RFTN1: variants seen among roughly 807,000 people sequenced by gnomAD.
RFTN1 encodes raftlin.
In RFTN1, 26 loss-of-function variants were observed where a neutral mutation model predicts 46.5. The ratio of observed to expected loss-of-function variants is 0.56; its 90% CI spans 0.41 to 0.78. RFTN1 has a LOEUF of 0.78. Ranked by LOEUF, RFTN1 falls within the 30% of genes least tolerant of loss-of-function variation. The pLI, the probability that RFTN1 is intolerant of heterozygous loss-of-function variation, is 0.00. For missense variants in RFTN1, 693 were observed against 718.7 expected, an observed-to-expected ratio of 0.96 and a Z score of 0.41; for synonymous variants, 261 against 284.2, an observed-to-expected ratio of 0.92 and a Z score of 0.82.
At position 16,513,215 on chromosome 3, in the gene RFTN1, A is replaced by G. The variant is rs567914267; in HGVS notation, c.-9+227T>C. The G allele has an allele frequency of 2.0e-5, 3 of 152,734 alleles. No homozygotes were observed. The South Asian group carries it at 6.2e-4, about 32-fold the overall frequency. The allele number at this position is 152,734 out of a possible 1,614,324, so 9.5% of individuals were successfully genotyped here. On this transcript the variant is annotated intron_variant, in intron 1 of 9. Coordinates refer to ENST00000334133, the MANE Select transcript of RFTN1 (RefSeq NM_015150.2). This position sits in a 1 kb window ranked among gnomAD's most constrained non-coding sequence, Gnocchi z 5.4. ...TCCCCTACACCCGTTCCCCGCAAAA[A>G]AAAGTTGGCCCAAGATCCAGGCGTC... is the stretch of plus-strand genomic sequence containing the variant.
rs2076397232 is a variant in RFTN1, at chr3:16,483,291, C to A, written c.145+10434G>T. Reference sequence around the variant, plus strand: ...TCCTGTAATGCAAATAAGTACTCATCCCCTCCAATTCTCTTCCTTCCTTTC... The same window carrying A: ...TCCTGTAATGCAAATAAGTACTCATACCCTCCAATTCTCTTCCTTCCTTTC... On this transcript the variant is annotated intron_variant, in intron 2 of 9. Transcript: ENST00000334133. The surrounding 1 kb of genome is among the most constrained non-coding windows in gnomAD (Gnocchi z 4.8). 6.6e-6 allele frequency among the ~76,000 whole-genome samples: 1 copy of A among 152,208 alleles called. No homozygotes were observed. The highest frequency in any genetic ancestry group is 2.1e-4 in the South Asian group (1 of 4,818).
At position 16,346,100 on chromosome 3, in the gene RFTN1, G is replaced by A. The variant is rs1156442869; in HGVS notation, c.1146+11832C>T. ...GATTGAAAAGGTTCCTATGATTTAG[G>A]GTCTTCCAGCACCCCTCAGGAAGCT... On this transcript the variant is annotated intron_variant, in intron 7 of 9. Coordinates refer to ENST00000334133, the MANE Select transcript of RFTN1 (RefSeq NM_015150.2). The surrounding 1 kb of genome is among the most constrained non-coding windows in gnomAD (Gnocchi z 4.4). The A allele has an allele frequency of 2.0e-5, 3 of 151,982 alleles. No homozygotes were observed. Among genetic ancestry groups the A allele is most frequent in the Admixed American group, 6.6e-5 (1 of 15,248 alleles). 9.4% of individuals were successfully genotyped at this position (151,982 alleles called of 1,614,324 possible).
At chr3:16,495,318 A>G (rs1304951522) in intron 1 of RFTN1, among the ~76,000 whole-genome samples, 1 of 152,254 alleles carries the variant, frequency 6.6e-6, no homozygotes, top group Non-Finnish European at 1.5e-5. Flanking sequence ...AAAGAAATGG[A>G]CAAGGAAGCT....
chr3:16,422,837 G>T lies in RFTN1; in HGVS notation c.332+11014C>A, dbSNP rs2075213488. ...GCAAAGTTAGGTTAACTTAATAAGTGCTCTTGGCAAAGGTGGCTACCTAGA... is the reference window on the plus strand; with the variant it reads ...GCAAAGTTAGGTTAACTTAATAAGTTCTCTTGGCAAAGGTGGCTACCTAGA... On this transcript the variant is annotated intron_variant, in intron 3 of 9. Transcript: ENST00000334133. The surrounding 1 kb of genome is among the most constrained non-coding windows in gnomAD (Gnocchi z 4.6). Among the ~76,000 whole-genome samples, 1 of 152,104 alleles carries T rather than the reference G, an allele frequency of 6.6e-6. No individual in the cohort carries two copies. Among genetic ancestry groups the T allele is most frequent in the South Asian group, 2.1e-4 (1 of 4,826 alleles).
chr3:16,324,613 A>ACCCC (rs111849488), intron 8 of RFTN1, among the ~76,000 whole-genome samples: 3,525 of 90,520 alleles, frequency 0.039, 425 homozygotes, highest in East Asian at 0.057. Flanking sequence ...AATGTCCCTG[A>ACCCC]CCCCCCCCCT....
rs2074884879 is a variant in RFTN1, at chr3:16,407,378, G to C, written c.441+1997C>G. Among the ~76,000 whole-genome samples the C allele has an allele frequency of 6.6e-6, 1 of 151,288 alleles. No homozygotes were observed. Among genetic ancestry groups the C allele is most frequent in the Non-Finnish European group, 1.5e-5 (1 of 67,884 alleles). On this transcript the variant is annotated intron_variant, in intron 4 of 9. Coordinates refer to ENST00000334133, the MANE Select transcript of RFTN1 (RefSeq NM_015150.2). The surrounding 1 kb of genome is among the most constrained non-coding windows in gnomAD (Gnocchi z 4.0). ...AAGAGACTTTTTTTTTTTTGGCAGA[G>C]ATGGAGGTCTCACTATGTTGCCCAG...
At chr3:16,434,385 C>CAA (rs1449024881) in intron 2 of RFTN1, among the ~76,000 whole-genome samples, 1 of 129,444 alleles carries the variant, frequency 7.7e-6, no homozygotes, top group African/African-American at 2.8e-5. Context: ...AACAAACAAA[C>CAA]AAACAAACAA....
rs2071562089 is a variant in RFTN1, at chr3:16,345,250, T to A, written c.1146+12682A>T. On this transcript the variant is annotated intron_variant, in intron 7 of 9. Transcript: ENST00000334133. The surrounding 1 kb of genome is among the most constrained non-coding windows in gnomAD (Gnocchi z 5.2). ...TTTCTGGCCCACAGAAACTGTAAGA[T>A]AATAAGTAGGTGGTTGTGTGTGTGT... 7.4e-6 allele frequency: 1 copy of A among 134,514 alleles called. No individual in the cohort carries two copies. Among genetic ancestry groups the A allele is most frequent in the Non-Finnish European group, 1.5e-5 (1 of 66,446 alleles). 8.3% of individuals were successfully genotyped at this position (134,514 alleles called of 1,614,324 possible).
intron 3 of RFTN1, among the ~76,000 whole-genome samples, chr3:16,430,251 C>T (rs1430300780): frequency 6.6e-6 from 1 of 152,122 alleles, no homozygotes; most frequent in Non-Finnish European, 1.5e-5. Flanking sequence ...GCTGGGACTA[C>T]AGGCGTGCGC....
chr3:16,408,580 A>C (rs151058090), intron 4 of RFTN1, among the ~76,000 whole-genome samples: 27 of 147,012 alleles, frequency 1.8e-4, no homozygotes, highest in African/African-American at 6.8e-4. Context: ...TTAAAACTCA[A>C]GTAGACCCTA....
chr3:16,359,822 T>A (rs2072712110), intron 6 of RFTN1, among the ~76,000 whole-genome samples: 1 of 152,194 alleles, frequency 6.6e-6, no homozygotes, highest in Non-Finnish European at 1.5e-5. Context: ...TGACCTTTTT[T>A]TTTTCATGGG....
chr3:16,449,675 A>G lies in RFTN1; in HGVS notation c.146-15638T>C, dbSNP rs2075792231. On this transcript the variant is annotated intron_variant, in intron 2 of 9. Transcript: ENST00000334133. This position sits in a 1 kb window ranked among gnomAD's most constrained non-coding sequence, Gnocchi z 5.1. ...CTCCAGCTCTGCATCAATATTCTTC[A>G]GCTTTCACAACTGACTTTGATTTCT... 6.6e-6 allele frequency among the ~76,000 whole-genome samples: 1 copy of G among 152,212 alleles called. No individual in the cohort carries two copies. Among genetic ancestry groups the G allele is most frequent in the African/African-American group, 2.4e-5 (1 of 41,466 alleles).
In RFTN1 at chr3:16,481,875, C is replaced by T. The variant is rs1375594266; in HGVS notation, c.145+11850G>A. Among the ~76,000 whole-genome samples, 2 of 152,168 alleles carry T rather than the reference C, an allele frequency of 1.3e-5. No homozygotes were observed. The highest frequency in any genetic ancestry group is 2.9e-5 in the Non-Finnish European group (2 of 68,032). On this transcript the variant is annotated intron_variant, in intron 2 of 9. Transcript: ENST00000334133. The surrounding 1 kb of genome is among the most constrained non-coding windows in gnomAD (Gnocchi z 5.1). ...TTTCAGCAAAGGAGGAGTCTATATT[C>T]AGCACAGGAAAAGTCCCGATATTGG...
chr3:16,397,739 A>G (rs1432451526), intron 4 of RFTN1, among the ~76,000 whole-genome samples: 1 of 152,114 alleles, frequency 6.6e-6, no homozygotes, highest in South Asian at 2.1e-4. Flanking sequence ...TTTCCGAAGT[A>G]TGTGCTATGG....
rs2074585254 is a variant in RFTN1, at chr3:16,400,940, C to G, written c.441+8435G>C. 6.6e-6 allele frequency among the ~76,000 whole-genome samples: 1 copy of G among 152,120 alleles called. No individual in the cohort carries two copies. The highest frequency in any genetic ancestry group is 2.4e-5 in the African/African-American group (1 of 41,422). On this transcript the variant is annotated intron_variant, in intron 4 of 9. Transcript: ENST00000334133. This position sits in a 1 kb window ranked among gnomAD's most constrained non-coding sequence, Gnocchi z 4.5. ...GGAGGGGATGCCCATTACCTTGTGC[C>G]CCTCCCACCTCGCCCTGCCTGGAAC...
Position 16,433,761 on chromosome 3 carries a change from A to AC in RFTN1, c.332+89dup, listed in dbSNP as rs946165098. On this transcript the variant is annotated intron_variant, in intron 3 of 9. Coordinates refer to ENST00000334133, the MANE Select transcript of RFTN1 (RefSeq NM_015150.2). This position sits in a 1 kb window ranked among gnomAD's most constrained non-coding sequence, Gnocchi z 4.4. Reference sequence around the variant, plus strand: ...CCCTGAGGACAGCATGCAAATTTCAACCCCCAACCCCATCCTCTCACTTCC... The same window carrying AC: ...CCCTGAGGACAGCATGCAAATTTCAACCCCCCAACCCCATCCTCTCACTTCC... 7.2e-7 allele frequency: 1 copy of AC among 1,391,880 alleles called. No individual in the cohort carries two copies. The highest frequency in any genetic ancestry group is 1.4e-5 in the African/African-American group (1 of 70,220). The allele number at this position is 1,391,880 out of a possible 1,614,324, so 86.2% of individuals were successfully genotyped here. A position where few individuals can be genotyped will look rare whatever the true frequency, so the allele number is the denominator to read the frequency against.
At chr3:16,494,609 G>C (rs1418980772) in intron 1 of RFTN1, among the ~76,000 whole-genome samples, 1 of 152,182 alleles carries the variant, frequency 6.6e-6, no homozygotes, top group Non-Finnish European at 1.5e-5. Flanking sequence ...TGTAGTTCCA[G>C]TTTGAAAAGA....
chr3:16,454,324 A>T (rs575752696), intron 2 of RFTN1, among the ~76,000 whole-genome samples: 1 of 152,376 alleles, frequency 6.6e-6, no homozygotes, highest in Non-Finnish European at 1.5e-5. Context: ...ACTTCTCAGC[A>T]AAGTGGCAGC....
intron 7 of RFTN1, among the ~76,000 whole-genome samples, chr3:16,331,443 C>T (rs2070300462): frequency 6.6e-6 from 1 of 152,106 alleles, no homozygotes; most frequent in African/African-American, 2.4e-5. Flanking sequence ...CACAGTTTTG[C>T]AAATATTGCT....
Sources: allele counts gnomAD v4.1 joint callset (sites outside exome capture counted in the v4.1 genomes callset), GRCh38; gene constraint gnomAD v4.1.1; non-coding constraint Gnocchi (gnomAD v3.1); transcripts MANE v1.5; gene names NCBI Gene and HGNC (gene_info 2026-07-23, HGNC 2026-07-21).